The following DAB1 variants were observed in gnomAD, a reference collection of about 807,000 sequenced individuals.
DAB1 encodes DAB adaptor protein 1.
Under a neutral mutation model 64.6 loss-of-function variants are expected in DAB1, and 15 were observed. The observed-to-expected ratio is 0.23, with a 90% CI of 0.16 to 0.36. The LOEUF is 0.36. Ranked by LOEUF, DAB1 falls within the 10% of genes least tolerant of loss-of-function variation. The pLI is 1.00. For synonymous variants in DAB1, 235 were observed against 251.9 expected (o/e 0.93, Z 0.64); for missense variants, 596 against 706.7 (o/e 0.84, Z 1.78).
intron 1 of DAB1, among the ~76,000 whole-genome samples, chr1:57,384,226 A>G (rs1681608284): frequency 6.6e-6 from 1 of 152,168 alleles, no homozygotes; most frequent in Non-Finnish European, 1.5e-5. Context: ...GGCTGCTATA[A>G]AAACAAACAA....
chr1:57,626,560 C>T (rs1325478139), intron 7 of DAB1, among the ~76,000 whole-genome samples: 1 of 152,150 alleles, frequency 6.6e-6, no homozygotes, highest in Non-Finnish European at 1.5e-5. Flanking sequence ...GTACAACCTT[C>T]CCCTGTGTCT....
intron 7 of DAB1, among the ~76,000 whole-genome samples, chr1:57,479,321 T>C (rs1643981308): frequency 6.6e-6 from 1 of 151,878 alleles, no homozygotes. Flanking sequence ...AGAGACAGTT[T>C]ATGCAGGATG....
intron 2 of DAB1, among the ~76,000 whole-genome samples, chr1:57,284,348 C>T (rs1364041082): frequency 6.6e-6 from 1 of 152,222 alleles, no homozygotes; most frequent in Admixed American, 6.5e-5. Flanking sequence ...AGGCATTTCT[C>T]TGTTCTGCAG....
intron 6 of DAB1, among the ~76,000 whole-genome samples, chr1:57,791,449 A>T (rs1650595864): frequency 6.6e-6 from 1 of 152,210 alleles, no homozygotes; most frequent in Non-Finnish European, 1.5e-5. Context: ...GGATATGACT[A>T]TTTCACATAT....
chr1:57,282,618 G>A (rs779805556), intron 2 of DAB1, among the ~76,000 whole-genome samples: 3 of 151,912 alleles, frequency 2.0e-5, no homozygotes, highest in East Asian at 1.9e-4. Flanking sequence ...ATTCATGACC[G>A]TGTGACCACA....
chr1:57,807,731 C>T (rs1234790668), intron 6 of DAB1, among the ~76,000 whole-genome samples: 1 of 151,832 alleles, frequency 6.6e-6, no homozygotes, highest in East Asian at 1.9e-4. Flanking sequence ...CCTCTCCCAC[C>T]TTGCCTTTAA....
chr1:57,979,045 C>T (rs971129496), intron 5 of DAB1, among the ~76,000 whole-genome samples: 1 of 152,098 alleles, frequency 6.6e-6, no homozygotes, highest in African/African-American at 2.4e-5. Flanking sequence ...CCATTTGACC[C>T]AGCAATCCCA....
chr1:57,258,693 G>C (rs932177055), intron 2 of DAB1, among the ~76,000 whole-genome samples: 1 of 152,138 alleles, frequency 6.6e-6, no homozygotes, highest in African/African-American at 2.4e-5. Flanking sequence ...AAATCCTTTT[G>C]AATCTGGTTA....
intron 7 of DAB1, among the ~76,000 whole-genome samples, chr1:57,585,248 GAAAAAAAAAA>G (rs61528761): frequency 2.3e-5 from 1 of 44,284 alleles, no homozygotes; most frequent in African/African-American, 9.5e-5. Flanking sequence ...GACTCTTTCT[GAAAAAAAAAA>G]AAAAAAAAAA....
At chr1:57,297,068 A>G (rs1185153345) in intron 1 of DAB1, among the ~76,000 whole-genome samples, 5 of 152,168 alleles carry the variant, frequency 3.3e-5, no homozygotes, top group Admixed American at 3.3e-4. Flanking sequence ...TAACATCACT[A>G]TGCAGTACTG....
chr1:58,238,487 T>G (rs1660148924), intron 4 of DAB1, among the ~76,000 whole-genome samples: 2 of 152,050 alleles, frequency 1.3e-5, no homozygotes, highest in South Asian at 4.2e-4. Flanking sequence ...GAGGACCAGA[T>G]AGTAAACAGA....
chr1:57,350,185 T>C (rs1678464845), intron 1 of DAB1, among the ~76,000 whole-genome samples: 2 of 152,196 alleles, frequency 1.3e-5, no homozygotes, highest in African/African-American at 2.4e-5. Context: ...AGTCATTTCA[T>C]CTTCAAGTGA....
At chr1:57,549,777 A>T (rs1644893964) in intron 7 of DAB1, among the ~76,000 whole-genome samples, 1 of 152,216 alleles carries the variant, frequency 6.6e-6, no homozygotes, top group Non-Finnish European at 1.5e-5. Context: ...TTATCTTTGG[A>T]TAATTCTTCC....
intron 3 of DAB1, among the ~76,000 whole-genome samples, chr1:58,350,234 G>T (rs879213113): frequency 6.6e-6 from 1 of 152,172 alleles, no homozygotes; most frequent in South Asian, 2.1e-4. Context: ...TCACGTGTTT[G>T]TTGGCTGCAT....
intron 4 of DAB1, among the ~76,000 whole-genome samples, chr1:58,316,763 T>C (rs965797301): frequency 6.6e-6 from 1 of 152,152 alleles, no homozygotes; most frequent in Non-Finnish European, 1.5e-5. Flanking sequence ...GGAGAGTAAA[T>C]TCCATGAGGT....
At chr1:58,474,834 C>T (rs1028003475) in intron 3 of DAB1, among the ~76,000 whole-genome samples, 4 of 152,216 alleles carry the variant, frequency 2.6e-5, no homozygotes, top group African/African-American at 9.7e-5. Context: ...AGCTAAACTC[C>T]TGGATTACTG....
chr1:58,419,209 T>C (rs1356683731), intron 3 of DAB1, among the ~76,000 whole-genome samples: 79 of 152,232 alleles, frequency 5.2e-4, no homozygotes, highest in Non-Finnish European at 2.9e-5. Context: ...GAGTTCCTTG[T>C]ACTTGGAGTA....
chr1:57,561,617 G>C (rs952006109), intron 7 of DAB1, among the ~76,000 whole-genome samples: 3 of 152,182 alleles, frequency 2.0e-5, no homozygotes, highest in Non-Finnish European at 4.4e-5. Flanking sequence ...CAAGTGGATA[G>C]GATGACCTGT....
At chr1:57,241,264 T>C (rs1276144532) in intron 2 of DAB1, among the ~76,000 whole-genome samples, 1 of 152,184 alleles carries the variant, frequency 6.6e-6, no homozygotes, top group East Asian at 1.9e-4. Context: ...AAAGGGTGAA[T>C]ATACAAATAT....
Sources: allele counts gnomAD v4.1 joint callset (sites outside exome capture counted in the v4.1 genomes callset), GRCh38; gene constraint gnomAD v4.1.1; transcripts MANE v1.5; gene names NCBI Gene and HGNC (gene_info 2026-07-23, HGNC 2026-07-21).